Variants in NAV3 observed in about 807,000 individuals in gnomAD.
The protein encoded by NAV3 is pore membrane and/or filament interacting like protein 1.
NAV3 carries 87 observed loss-of-function variants against 244.7 expected under a neutral mutation model. The ratio of observed to expected loss-of-function variants is 0.36; its 90% CI spans 0.30 to 0.42. NAV3 has a LOEUF of 0.42. Ranked by LOEUF, NAV3 falls within the 20% of genes least tolerant of loss-of-function variation. NAV3 has a pLI of 1.00. For missense variants in NAV3, 2,663 were observed against 2,893.3 expected (o/e 0.92, Z 1.83); for synonymous variants, 1,126 against 1,042.2 (o/e 1.08, Z -1.55).
At chr12:77,901,703 T>G (rs1435205708) in intron 1 of NAV3, among the ~76,000 whole-genome samples, 1 of 151,998 alleles carries the variant, frequency 6.6e-6, no homozygotes, top group Non-Finnish European at 1.5e-5. Context: ...GAGACTCTGT[T>G]TCAAAAAAAG....
At chr12:78,090,272 T>A (rs540721005) in intron 12 of NAV3, among the ~76,000 whole-genome samples, 2 of 149,756 alleles carry the variant, frequency 1.3e-5, no homozygotes, top group East Asian at 3.9e-4. Context: ...TATAATAAAG[T>A]TGAATTAAAT....
chr12:78,082,054 G>A (rs1953381637), intron 12 of NAV3, among the ~76,000 whole-genome samples: 1 of 152,144 alleles, frequency 6.6e-6, no homozygotes, highest in South Asian at 2.1e-4. Context: ...GCTTTCCCAT[G>A]CTGTTCTTCT....
intron 6 of NAV3, among the ~76,000 whole-genome samples, chr12:77,997,910 A>G (rs201060490): frequency 2.0e-5 from 3 of 152,236 alleles, no homozygotes; most frequent in East Asian, 3.8e-4. Flanking sequence ...ATAACTACCT[A>G]CAATAAAAAC....
At chr12:78,161,301 C>T (rs1036661156) in intron 23 of NAV3, among the ~76,000 whole-genome samples, 1 of 152,112 alleles carries the variant, frequency 6.6e-6, no homozygotes, top group Non-Finnish European at 1.5e-5. Context: ...TTACATTTCT[C>T]TTTTTCCCTT....
chr12:77,659,072 C>T (rs1178575123), intron 2 of NAV3, among the ~76,000 whole-genome samples: 3 of 151,796 alleles, frequency 2.0e-5, no homozygotes, highest in Admixed American at 2.0e-4. Context: ...GTCGAAAACA[C>T]CAAAAGCAAT....
At chr12:77,791,902 G>A (rs1871193646) in intron 2 of NAV3, among the ~76,000 whole-genome samples, 1 of 152,174 alleles carries the variant, frequency 6.6e-6, no homozygotes, top group Admixed American at 6.5e-5. Flanking sequence ...ATGCCTGTAA[G>A]GATATGCATA....
intron 22 of NAV3, among the ~76,000 whole-genome samples, chr12:78,157,815 GA>G (rs1957369373): frequency 6.6e-6 from 1 of 151,216 alleles, no homozygotes; most frequent in Admixed American, 6.6e-5. Flanking sequence ...AGGGGGAGGA[GA>G]AAAAGAAGGA....
chr12:78,020,078 G>A (rs1876895437), intron 8 of NAV3, among the ~76,000 whole-genome samples: 1 of 152,088 alleles, frequency 6.6e-6, no homozygotes, highest in Admixed American at 6.6e-5. Flanking sequence ...AAAACTGGAA[G>A]AAGAATAGAA....
intron 5 of NAV3, among the ~76,000 whole-genome samples, chr12:77,979,712 G>GAAAAAAAAAAAAA (rs150656996): frequency 8.2e-6 from 1 of 121,646 alleles, no homozygotes; most frequent in Non-Finnish European, 1.7e-5. Flanking sequence ...AAAAAAAAAA[G>GAAAAAAAAAAAAA]AAAAAAAAAA....
At position 77,966,276 on chromosome 12, in the gene NAV3, A is replaced by C. The variant is rs1350100766; in HGVS notation, c.462A>C (p.Val154=). The change falls in exon 4 of 40, where the codon GTA becomes GTC. Residue 154 remains valine, a synonymous_variant. Coordinates refer to ENST00000397909, the MANE Select transcript of NAV3 (RefSeq NM_001024383.2). ...VCLSFLAARG[V]NVQGLSAEEI... ...TTAGTTTTCTAGCAGCCAGAGGGGT[A>C]AATGTTCAAGGTCTATCTGCTGAAG... 1.2e-6 allele frequency: 2 copies of C among 1,613,602 alleles called. No individual in the cohort carries two copies. Among genetic ancestry groups the C allele is most frequent in the Admixed American group, 1.7e-5 (1 of 59,990 alleles).
intron 1 of NAV3, among the ~76,000 whole-genome samples, chr12:77,900,453 C>G (rs368238713): frequency 6.6e-6 from 1 of 152,146 alleles, no homozygotes; most frequent in Non-Finnish European, 1.5e-5. Context: ...TTTTCTGTTC[C>G]TGCATTAATT....
In NAV3 at chr12:77,845,655, T is replaced by TC. The variant is rs201128787; in HGVS notation, c.243+13951_243+13952insC. 4.8e-3 allele frequency among the ~76,000 whole-genome samples: 716 copies of TC among 149,782 alleles called. 7 individuals are homozygous for TC. Among genetic ancestry groups the TC allele is most frequent in the African/African-American group, 0.017 (691 of 40,862 alleles). ...TTAAGTTTGATTAGGCTAATACTTT[T>TC]TTTTTTTTTTTTTTTGAGATGGAGT... On this transcript the variant is annotated intron_variant, in intron 1 of 39. Coordinates refer to ENST00000397909, the MANE Select transcript of NAV3 (RefSeq NM_001024383.2).
intron 2 of NAV3, among the ~76,000 whole-genome samples, chr12:77,800,065 A>G (rs539418735): frequency 6.6e-6 from 1 of 152,302 alleles, no homozygotes; most frequent in African/African-American, 2.4e-5. Flanking sequence ...TAGTGAAAAC[A>G]TTCAAATTAT....
chr12:78,127,552 C>A (rs1484103299), intron 17 of NAV3, among the ~76,000 whole-genome samples: 1 of 152,164 alleles, frequency 6.6e-6, no homozygotes, highest in African/African-American at 2.4e-5. Context: ...TGGTAGAATG[C>A]AGAACTCACT....
At chr12:78,090,235 A>T (rs981648544) in intron 12 of NAV3, among the ~76,000 whole-genome samples, 4 of 132,522 alleles carry the variant, frequency 3.0e-5, no homozygotes, top group African/African-American at 5.1e-5. Flanking sequence ...AAGTTGAATT[A>T]TATATATATA....
At chr12:77,976,774 G>A (rs1868519642) in intron 5 of NAV3, among the ~76,000 whole-genome samples, 1 of 145,522 alleles carries the variant, frequency 6.9e-6, no homozygotes. Flanking sequence ...CCCCTCCCGG[G>A]TTCAAGTGAT....
chr12:78,167,235 T>G lies in NAV3; in HGVS notation c.4870-1520T>G, dbSNP rs190381033. Among the ~76,000 whole-genome samples the G allele has an allele frequency of 2.4e-3, 368 of 151,918 alleles. 2 individuals are homozygous for G. Among genetic ancestry groups the G allele is most frequent in the Non-Finnish European group, 4.1e-3 (276 of 67,800 alleles). ...TGACTTTTGTCATGACACTGGAAAT[T>G]TCCCACAAATATTATATTCTTCTTT... is the stretch of plus-strand genomic sequence containing the variant. On this transcript the variant is annotated intron_variant, in intron 23 of 39. Transcript: ENST00000397909.
intron 2 of NAV3, among the ~76,000 whole-genome samples, chr12:77,741,911 A>G (rs1868344618): frequency 6.6e-6 from 1 of 152,118 alleles, no homozygotes; most frequent in African/African-American, 2.4e-5. Context: ...ATCTCATTTA[A>G]TGAGAATCTT....
chr12:77,822,435 C>T (rs745703474), intron 2 of NAV3, among the ~76,000 whole-genome samples: 3 of 152,144 alleles, frequency 2.0e-5, no homozygotes, highest in Non-Finnish European at 4.4e-5. Context: ...CCCACAAATA[C>T]ACTGTATGAG....
Sources: gnomAD v4.1 joint callset for allele counts (sites outside exome capture counted in the v4.1 genomes callset) on GRCh38, gnomAD v4.1.1 for gene constraint, MANE v1.5 for transcripts, NCBI Gene and HGNC (gene_info 2026-07-23, HGNC 2026-07-21) for gene names.